AKAP10: variants seen among roughly 807,000 people sequenced by gnomAD.
The protein encoded by AKAP10 is A-kinase anchor protein 10, mitochondrial.
AKAP10 carries 24 observed loss-of-function variants against 80.8 expected under a neutral mutation model. The ratio of observed to expected loss-of-function variants is 0.30; its 90% CI spans 0.22 to 0.42. AKAP10 has a LOEUF of 0.42. Among genes scored for constraint, AKAP10 ranks in the 10% least tolerant of loss-of-function variants. AKAP10 has a pLI of 1.00. For missense variants in AKAP10, 661 were observed against 794.9 expected (o/e 0.83, Z 2.03); for synonymous variants, 291 against 277.7 (o/e 1.05, Z -0.48).
At chr17:19,943,656 A>G (rs2043073026) in intron 5 of AKAP10, among the ~76,000 whole-genome samples, 1 of 152,220 alleles carries the variant, frequency 6.6e-6, no homozygotes, top group South Asian at 2.1e-4. Flanking sequence ...CATTTCCCTG[A>G]GTTCTGAGAG....
At chr17:19,958,640 C>T in intron 3 of AKAP10, 69 bp from the exon 4 acceptor site, 2 of 1,363,116 alleles carry the variant, frequency 1.5e-6, no homozygotes, top group East Asian at 2.4e-5. Flanking sequence ...ATTAGTCAAT[C>T]ACTTTTAGCA....
Position 19,906,143 on chromosome 17 carries a change from C to G in AKAP10, c.*84G>C. 7.0e-7 allele frequency: 1 copy of G among 1,430,472 alleles called. No homozygotes were observed. Among genetic ancestry groups the G allele is most frequent in the South Asian group, 1.2e-5 (1 of 85,710 alleles). 88.6% of individuals were successfully genotyped at this position (1,430,472 alleles called of 1,614,324 possible). ...CAGATCAGAAATATAGTGCTGTTTT[C>G]ATTGGCTGTGTTGAAGAATCCAACC... On this transcript the variant is annotated 3_prime_UTR_variant, in exon 15 of 15. Coordinates refer to ENST00000225737, the MANE Select transcript of AKAP10 (RefSeq NM_007202.4).
chr17:19,956,875 G>A (rs920778717), intron 4 of AKAP10, among the ~76,000 whole-genome samples: 1 of 151,972 alleles, frequency 6.6e-6, no homozygotes, highest in African/African-American at 2.4e-5. Context: ...GTGGTGGCGG[G>A]CGCCTGTAAT....
intron 3 of AKAP10, 104 bp from the exon 4 acceptor site, chr17:19,958,675 T>A: frequency 1.1e-6 from 1 of 925,130 alleles, no homozygotes; most frequent in Non-Finnish European, 1.6e-6. Flanking sequence ...AGACCTTGAA[T>A]AAAGTTTACT....
intron 12 of AKAP10, among the ~76,000 whole-genome samples, chr17:19,917,170 CAGG>C (rs2152410417): frequency 6.6e-6 from 1 of 151,570 alleles, no homozygotes; most frequent in African/African-American, 2.4e-5. Flanking sequence ...GAGGCTGAGG[CAGG>C]AGAATGGTGT....
In AKAP10 at chr17:19,962,996, T is replaced by C; in HGVS notation, c.163A>G (p.Lys55Glu). The change falls in exon 3 of 15, where the codon AAA (lysine) becomes GAA (glutamate). Residue 55 changes from lysine to glutamate, a missense_variant. Transcript: ENST00000225737. ...AGCAAGGCATGATTTTTAGTGCTTT[T>C]TTGTGGGGAATGTACGGATATTGAA... ...KASISVHSPQ[K>E]STKNHALLEA... The C allele has an allele frequency of 2.5e-6, 4 of 1,613,278 alleles. No individual in the cohort carries two copies. Among genetic ancestry groups the C allele is most frequent in the Non-Finnish European group, 1.7e-6 (2 of 1,179,442 alleles).
At chr17:19,954,529 G>A (rs1207749798) in intron 4 of AKAP10, among the ~76,000 whole-genome samples, 3 of 146,980 alleles carry the variant, frequency 2.0e-5, no homozygotes, top group Admixed American at 6.8e-5. Context: ...GTGTTGCCCA[G>A]GCTGGAGTGC....
At chr17:19,931,777 C>A in intron 10 of AKAP10, 28 bp downstream of exon 10, 1 of 1,596,604 alleles carries the variant, frequency 6.3e-7, no homozygotes, top group Non-Finnish European at 8.5e-7. Flanking sequence ...TGCTTTTCTC[C>A]CTAATGGCAG....
At chr17:19,926,882 AGGCCAT>A (rs1269715587) in intron 10 of AKAP10, among the ~76,000 whole-genome samples, 2 of 152,232 alleles carry the variant, frequency 1.3e-5, no homozygotes, top group South Asian at 2.1e-4. Flanking sequence ...GCACTTTGGG[AGGCCAT>A]GGCAGGTGAA....
Position 19,932,039 on chromosome 17 carries a change from A to C in AKAP10, c.1468-61T>G, listed in dbSNP as rs927560423. ...ATCAAATCCAACTAAAACTGTTTTAAATAAATAAATTTTACCTATAATTCT... is the reference window on the plus strand; with the variant it reads ...ATCAAATCCAACTAAAACTGTTTTACATAAATAAATTTTACCTATAATTCT... On this transcript the variant is annotated intron_variant, in intron 9 of 14. Coordinates refer to ENST00000225737, the MANE Select transcript of AKAP10 (RefSeq NM_007202.4). 5 of 1,444,194 alleles carry C rather than the reference A, an allele frequency of 3.5e-6. 1 individual carries two copies. The highest frequency in any genetic ancestry group is 4.7e-6 in the Non-Finnish European group (5 of 1,074,374). 89.5% of individuals were successfully genotyped at this position (1,444,194 alleles called of 1,614,324 possible). A position where few individuals can be genotyped will look rare whatever the true frequency, so the allele number is the denominator to read the frequency against.
Position 19,941,796 on chromosome 17 carries a change from T to G in AKAP10, c.1061+30A>C. 3 of 1,512,786 alleles carry G rather than the reference T, an allele frequency of 2.0e-6. No individual in the cohort carries two copies. In the Admixed American group the frequency reaches 5.9e-5, roughly 30 times the overall value. The allele number at this position is 1,512,786 out of a possible 1,614,324, so 93.7% of individuals were successfully genotyped here. ...AACAATGAACCCAAATTCCCTAGGA[T>G]GCACAATGTGAAAATATGAACTAAC... is the stretch of plus-strand genomic sequence containing the variant. On this transcript the variant is annotated intron_variant, in intron 6 of 14. Transcript: ENST00000225737.
At position 19,921,670 on chromosome 17, in the gene AKAP10, AT is replaced by A. The variant is rs142271448; in HGVS notation, c.1752-1553del. On this transcript the variant is annotated intron_variant, in intron 11 of 14. Transcript: ENST00000225737. ...GGGCAACATAGTGAGACTTCATTTCATTTTTTTTCAAAAATTTTTTCAAAAA... is the reference window on the plus strand; with the variant it reads ...GGGCAACATAGTGAGACTTCATTTCATTTTTTTCAAAAATTTTTTCAAAAA... 2.6e-3 allele frequency among the ~76,000 whole-genome samples: 391 copies of A among 150,978 alleles called. 14 individuals carry two copies. The East Asian group carries it at 0.073, about 28-fold the overall frequency.
intron 10 of AKAP10, among the ~76,000 whole-genome samples, chr17:19,928,628 G>A (rs2042899596): frequency 6.6e-6 from 1 of 152,184 alleles, no homozygotes; most frequent in African/African-American, 2.4e-5. Flanking sequence ...TGTAATCCCA[G>A]CACTTTGGGA....
chr17:19,907,316 G>T (rs1480981326), intron 14 of AKAP10, among the ~76,000 whole-genome samples: 1 of 151,866 alleles, frequency 6.6e-6, no homozygotes, highest in Non-Finnish European at 1.5e-5. Flanking sequence ...ACCACGCCCG[G>T]CCCCCATTTC....
intron 4 of AKAP10, among the ~76,000 whole-genome samples, chr17:19,955,615 T>A (rs1221108959): frequency 1.3e-5 from 2 of 152,054 alleles, no homozygotes; most frequent in Non-Finnish European, 2.9e-5. Flanking sequence ...GGTGGGCAGA[T>A]CACAAAGTCA....
At chr17:19,953,919 C>T (rs1375654614) in intron 4 of AKAP10, among the ~76,000 whole-genome samples, 1 of 152,120 alleles carries the variant, frequency 6.6e-6, no homozygotes, top group Admixed American at 6.5e-5. Flanking sequence ...GTAATCCCAG[C>T]TATTTGGGAG....
At chr17:19,955,954 T>C (rs1236169133) in intron 4 of AKAP10, among the ~76,000 whole-genome samples, 1 of 152,150 alleles carries the variant, frequency 6.6e-6, no homozygotes, top group Non-Finnish European at 1.5e-5. Flanking sequence ...TGTGTTAAAC[T>C]AAGGAAAATA....
chr17:19,954,839 C>T (rs1350510813), intron 4 of AKAP10, among the ~76,000 whole-genome samples: 1 of 151,900 alleles, frequency 6.6e-6, no homozygotes, highest in Admixed American at 6.6e-5. Flanking sequence ...TCTTCATGAC[C>T]TTTGCTTAGG....
intron 4 of AKAP10, among the ~76,000 whole-genome samples, chr17:19,950,738 G>A (rs1024910718): frequency 7.2e-5 from 11 of 152,124 alleles, no homozygotes; most frequent in Admixed American, 2.0e-4. Flanking sequence ...CACCCCGTCC[G>A]GGAAGTGAGG....
Sources: gnomAD v4.1 joint callset for allele counts (sites outside exome capture counted in the v4.1 genomes callset) on GRCh38, gnomAD v4.1.1 for gene constraint, MANE v1.5 for transcripts, NCBI Gene and HGNC (gene_info 2026-07-23, HGNC 2026-07-21) for gene names.